Variants in EPS15L1 observed in about 807,000 individuals in gnomAD.
EPS15L1 encodes epidermal growth factor receptor substrate 15-like 1.
A neutral mutation model predicts 117.1 loss-of-function variants in EPS15L1; 43 were observed. The ratio of observed to expected loss-of-function variants is 0.37; its 90% CI spans 0.29 to 0.47. EPS15L1 has a LOEUF of 0.47. Among genes scored for constraint, EPS15L1 ranks in the 20% least tolerant of loss-of-function variants. The probability of loss-of-function intolerance (pLI) is 0.99; values close to 1 mark genes in which losing one functional copy is unlikely to be tolerated. For missense variants in EPS15L1, 981 were observed against 1,164.0 expected, an observed-to-expected ratio of 0.84 and a Z score of 2.29; for synonymous variants, 459 against 470.5, an observed-to-expected ratio of 0.98 and a Z score of 0.32.
chr19:16,465,793 T>C (rs150998989), intron 1 of EPS15L1, among the ~76,000 whole-genome samples: 82 of 152,116 alleles, frequency 5.4e-4, no homozygotes, highest in African/African-American at 1.9e-3. Context: ...ATCTAATAAC[T>C]AGGTATAAAA....
At chr19:16,356,485 T>C (rs1406621979) in intron 23 of EPS15L1, 1 of 152,644 alleles carries the variant, frequency 6.6e-6, no homozygotes, top group African/African-American at 2.4e-5. Flanking sequence ...CTAATTTTTG[T>C]ATGTTTCGTA....
At chr19:16,403,317 G>A (rs1240367193) in intron 15 of EPS15L1, among the ~76,000 whole-genome samples, 3 of 152,192 alleles carry the variant, frequency 2.0e-5, no homozygotes, top group Non-Finnish European at 4.4e-5. Context: ...CCAGGGTGGC[G>A]CCTCCTGAAC....
At position 16,421,742 on chromosome 19, in the gene EPS15L1, C is replaced by T. The variant is rs770975995; in HGVS notation, c.793-266G>A. On this transcript the variant is annotated intron_variant, in intron 9 of 23. Coordinates refer to ENST00000455140, the MANE Select transcript of EPS15L1 (RefSeq NM_001258374.3). ...CCCATCACCCGCTCTCCTTGTCCAT[C>T]CACCCTGCCACCCAGGGTGTGAGGG... Among the ~76,000 whole-genome samples the T allele has an allele frequency of 5.3e-4, 80 of 152,290 alleles. No individual in the cohort carries two copies. In the Middle Eastern group the frequency reaches 0.01, roughly 19 times the overall value.
At chr19:16,376,479 G>C (rs1383294123) in intron 22 of EPS15L1, among the ~76,000 whole-genome samples, 1 of 152,200 alleles carries the variant, frequency 6.6e-6, no homozygotes, top group Non-Finnish European at 1.5e-5. Flanking sequence ...ACTGGCCATG[G>C]GGAAGAGGGG....
chr19:16,414,174 G>A (rs572604853), intron 12 of EPS15L1, among the ~76,000 whole-genome samples: 6 of 152,282 alleles, frequency 3.9e-5, no homozygotes, highest in Admixed American at 1.3e-4. Context: ...GAGGGGCCAC[G>A]TGAGGGGGAA....
intron 23 of EPS15L1, chr19:16,356,808 ATCCCACAAGCTCC>A (rs2091985927): frequency 6.6e-6 from 1 of 152,210 alleles, no homozygotes; most frequent in South Asian, 2.1e-4. Context: ...GAAAAGCCAC[ATCCCACAAGCTCC>A]TCCCCCAGGG....
intron 1 of EPS15L1, among the ~76,000 whole-genome samples, chr19:16,456,208 C>G (rs2093194556): frequency 6.6e-6 from 1 of 151,172 alleles, no homozygotes; most frequent in Non-Finnish European, 1.5e-5. Flanking sequence ...CTCAAACAAA[C>G]AAACAAAAAA....
Position 16,442,165 on chromosome 19 carries a change from C to A in EPS15L1, c.75+13G>T, listed in dbSNP as rs776787898. ...GCTCTAGTTCCATCTGAAGAGACAT[C>A]AGCTAAACTTACCTGCTTGTAATAA... On this transcript the variant is annotated intron_variant, in intron 2 of 23. Coordinates refer to ENST00000455140, the MANE Select transcript of EPS15L1 (RefSeq NM_001258374.3). 1.4e-5 allele frequency: 23 copies of A among 1,610,092 alleles called. No homozygotes were observed. The highest frequency in any genetic ancestry group is 1.6e-4 in the Middle Eastern group (1 of 6,074).
chr19:16,422,759 C>T (rs2092829551), intron 9 of EPS15L1, among the ~76,000 whole-genome samples: 1 of 152,040 alleles, frequency 6.6e-6, no homozygotes, highest in Non-Finnish European at 1.5e-5. Context: ...GAGTTTGAGA[C>T]CAGATTGGCC....
At chr19:16,413,112 G>T in intron 13 of EPS15L1, 2 of 680,384 alleles carry the variant, frequency 2.9e-6, no homozygotes, top group Non-Finnish European at 5.4e-6. Flanking sequence ...CATCGGTCTG[G>T]GTATTAAGTG....
At position 16,378,120 on chromosome 19, in the gene EPS15L1, A is replaced by G. The variant is rs1047621812; in HGVS notation, c.2248-866T>C. ...GGACGAATGAATGGCGGGTGGGTGG[A>G]TGGATGGATGGATGGGCAGGTAGAG... On this transcript the variant is annotated intron_variant, in intron 21 of 23. Coordinates refer to ENST00000455140, the MANE Select transcript of EPS15L1 (RefSeq NM_001258374.3). Among the ~76,000 whole-genome samples, 15 of 151,762 alleles carry G rather than the reference A, an allele frequency of 9.9e-5. No homozygotes were observed. In the South Asian group the frequency reaches 1.5e-3, roughly 15 times the overall value.
chr19:16,429,580 G>C (rs890631453), intron 7 of EPS15L1, among the ~76,000 whole-genome samples: 1 of 152,174 alleles, frequency 6.6e-6, no homozygotes, highest in Admixed American at 6.5e-5. Context: ...AGCCCACACA[G>C]CCAAGAGCCT....
chr19:16,375,444 C>G (rs2092283068), intron 22 of EPS15L1, among the ~76,000 whole-genome samples: 1 of 150,712 alleles, frequency 6.6e-6, no homozygotes, highest in Non-Finnish European at 1.5e-5. Context: ...CAGCTGTGTG[C>G]ATGCATTGTG....
At chr19:16,428,584 A>G in intron 8 of EPS15L1, 118 bp downstream of exon 8, 2 of 693,362 alleles carry the variant, frequency 2.9e-6, no homozygotes, top group South Asian at 1.8e-5. Flanking sequence ...AAAGGAAAAG[A>G]AAAGAAAAGA....
chr19:16,457,845 G>A (rs1490187045), intron 1 of EPS15L1, among the ~76,000 whole-genome samples: 1 of 151,862 alleles, frequency 6.6e-6, no homozygotes, highest in South Asian at 2.1e-4. Context: ...AGAGACATGG[G>A]AGAGCAGTCA....
chr19:16,389,082 C>T (rs2092450263), intron 19 of EPS15L1, among the ~76,000 whole-genome samples: 1 of 151,920 alleles, frequency 6.6e-6, no homozygotes, highest in South Asian at 2.1e-4. Context: ...GGTGAAACTC[C>T]ATCTGCATTA....
At chr19:16,361,578 T>G in intron 23 of EPS15L1, 1 of 1,328,612 alleles carries the variant, frequency 7.5e-7, no homozygotes, top group Admixed American at 3.7e-5. Context: ...GCATCCAAAC[T>G]GCGGCTCTTT....
chr19:16,405,620 G>A lies in EPS15L1; in HGVS notation c.1267-871C>T, dbSNP rs528866319. ...AAGGTTCCAGCACAGCCCACACTGT[G>A]GGACGCTCCTTGGCCATGGAACGGG... is the stretch of plus-strand genomic sequence containing the variant. On this transcript the variant is annotated intron_variant, in intron 13 of 23. Transcript: ENST00000455140. This position sits in a 1 kb window ranked among gnomAD's most constrained non-coding sequence, Gnocchi z 4.0. Among the ~76,000 whole-genome samples the A allele has an allele frequency of 6.6e-6, 1 of 152,374 alleles. No individual in the cohort carries two copies. The highest frequency in any genetic ancestry group is 1.5e-5 in the Non-Finnish European group (1 of 68,034).
chr19:16,425,239 G>A lies in EPS15L1; in HGVS notation c.636C>T (p.Ser212=). 1.3e-6 allele frequency: 2 copies of A among 1,597,018 alleles called. No homozygotes were observed. The highest frequency in any genetic ancestry group is 1.7e-6 in the Non-Finnish European group (2 of 1,164,974). ...SALPPSLIPP[S]KRKKTVFPGA... ...CAGGGAACACAGTCTTCTTTCTCTT[G>A]GAGGGTGGGATGAGGGACGGGGGCA... The change falls in exon 9 of 24, where the codon TCC becomes TCT. Residue 212 remains serine, a synonymous_variant. Coordinates refer to ENST00000455140, the MANE Select transcript of EPS15L1 (RefSeq NM_001258374.3).
Sources: allele counts gnomAD v4.1 joint callset (sites outside exome capture counted in the v4.1 genomes callset), GRCh38; gene constraint gnomAD v4.1.1; non-coding constraint Gnocchi (gnomAD v3.1); transcripts MANE v1.5; gene names NCBI Gene and HGNC (gene_info 2026-07-23, HGNC 2026-07-21).